TAFA1: variants seen among roughly 807,000 people sequenced by gnomAD.
The protein encoded by TAFA1 is chemokine-like protein TAFA-1.
In TAFA1, 4 loss-of-function variants were observed where a neutral mutation model predicts 18.5. The ratio of observed to expected loss-of-function variants is 0.22; its 90% CI spans 0.11 to 0.49. TAFA1 has a LOEUF of 0.49. Among genes scored for constraint, TAFA1 ranks in the 20% least tolerant of loss-of-function variants. The pLI, the probability that TAFA1 is intolerant of heterozygous loss-of-function variation, is 0.98. For missense variants in TAFA1, 147 were observed against 169.0 expected (o/e 0.87, Z 0.72); for synonymous variants, 56 against 55.2 (o/e 1.01, Z -0.06).
intron 2 of TAFA1, among the ~76,000 whole-genome samples, chr3:68,166,211 C>T (rs905236286): frequency 3.9e-5 from 6 of 152,184 alleles, no homozygotes; most frequent in African/African-American, 9.7e-5. Context: ...CAAGATTTTG[C>T]TATCCTATGG....
At chr3:68,164,815 T>C (rs892082949) in intron 2 of TAFA1, among the ~76,000 whole-genome samples, 2 of 152,220 alleles carry the variant, frequency 1.3e-5, no homozygotes, top group Non-Finnish European at 2.9e-5. Context: ...TTTATTCCTT[T>C]CTCTCATTCC....
intron 2 of TAFA1, among the ~76,000 whole-genome samples, chr3:68,167,494 C>T (rs1340911743): frequency 2.0e-5 from 3 of 150,732 alleles, no homozygotes; most frequent in Non-Finnish European, 4.4e-5. Context: ...GGAGAATGGC[C>T]TGGACCTGGG....
chr3:68,239,091 T>A (rs1374093669), intron 2 of TAFA1, among the ~76,000 whole-genome samples: 1 of 152,182 alleles, frequency 6.6e-6, no homozygotes, highest in Non-Finnish European at 1.5e-5. Flanking sequence ...AAGCAAAGAT[T>A]TGAATCATGG....
At chr3:68,262,263 A>G in intron 2 of TAFA1, among the ~76,000 whole-genome samples, 1 of 110,232 alleles carries the variant, frequency 9.1e-6, no homozygotes, top group African/African-American at 3.4e-5. Context: ...TGGGTTTAGG[A>G]TTTTTTTTTT....
chr3:68,184,599 G>C lies in TAFA1; in HGVS notation c.118+177855G>C, dbSNP rs75963397. On this transcript the variant is annotated intron_variant, in intron 2 of 4. Transcript: ENST00000478136. ...GCATGTCTCTTCTATCCCTAAAGCA[G>C]GACTATTGATTAGCTCCAATATATA... Among the ~76,000 whole-genome samples the C allele has an allele frequency of 8.6e-3, 1,301 of 152,086 alleles. 19 individuals carry two copies. The highest frequency in any genetic ancestry group is 0.029 in the African/African-American group (1,194 of 41,474).
At chr3:68,520,023 G>A (rs780361366) in intron 3 of TAFA1, among the ~76,000 whole-genome samples, 2 of 152,160 alleles carry the variant, frequency 1.3e-5, no homozygotes, top group Non-Finnish European at 2.9e-5. Context: ...GAAGGGGATC[G>A]TATGACCAAC....
chr3:68,530,339 G>T (rs2073171859), intron 3 of TAFA1, among the ~76,000 whole-genome samples: 1 of 152,274 alleles, frequency 6.6e-6, no homozygotes, highest in East Asian at 1.9e-4. Flanking sequence ...GATTTATACT[G>T]AAATAAAGGA....
intron 2 of TAFA1, among the ~76,000 whole-genome samples, chr3:68,032,959 C>A (rs766278769): frequency 2.6e-5 from 4 of 152,194 alleles, no homozygotes; most frequent in Admixed American, 6.6e-5. Flanking sequence ...ATTCCTCATT[C>A]TCTTCCTTCC....
At chr3:68,222,108 C>T (rs2066738679) in intron 2 of TAFA1, among the ~76,000 whole-genome samples, 1 of 152,146 alleles carries the variant, frequency 6.6e-6, no homozygotes, top group Non-Finnish European at 1.5e-5. Context: ...GAAAGCCTTA[C>T]TTATTTATGA....
intron 2 of TAFA1, among the ~76,000 whole-genome samples, chr3:68,160,976 G>A (rs1012840332): frequency 1.3e-5 from 2 of 152,184 alleles, no homozygotes; most frequent in African/African-American, 2.4e-5. Context: ...TACCCAGGGC[G>A]TTAAGTGTGT....
chr3:68,111,184 A>G (rs1183329021), intron 2 of TAFA1, among the ~76,000 whole-genome samples: 1 of 152,216 alleles, frequency 6.6e-6, no homozygotes, highest in Non-Finnish European at 1.5e-5. Flanking sequence ...ATAACCAGGT[A>G]TATTATGCTG....
At chr3:68,522,150 C>A (rs1559704217) in intron 3 of TAFA1, among the ~76,000 whole-genome samples, 1 of 152,022 alleles carries the variant, frequency 6.6e-6, no homozygotes, top group Non-Finnish European at 1.5e-5. Flanking sequence ...ATATCAAAAA[C>A]TTTTCAGTTA....
At chr3:68,493,295 T>C (rs982920079) in intron 3 of TAFA1, among the ~76,000 whole-genome samples, 2 of 152,212 alleles carry the variant, frequency 1.3e-5, no homozygotes, top group African/African-American at 2.4e-5. Flanking sequence ...CCTCAAGGTA[T>C]ATCTATGTTG....
chr3:68,461,360 CATATATAT>C (rs5849840), intron 3 of TAFA1, among the ~76,000 whole-genome samples: 5 of 106,624 alleles, frequency 4.7e-5, no homozygotes, highest in African/African-American at 1.7e-4. Flanking sequence ...AATGAAAGTG[CATATATAT>C]ATATATATAT....
intron 2 of TAFA1, among the ~76,000 whole-genome samples, chr3:68,344,009 A>G (rs113847125): frequency 2.0e-5 from 3 of 152,100 alleles, no homozygotes; most frequent in African/African-American, 7.2e-5. Flanking sequence ...ACGCCTGGTT[A>G]ATTTTGTATT....
At chr3:68,088,682 G>T (rs2106792217) in intron 2 of TAFA1, among the ~76,000 whole-genome samples, 2 of 152,264 alleles carry the variant, frequency 1.3e-5, no homozygotes, top group South Asian at 4.2e-4. Flanking sequence ...TGAGAGGTAG[G>T]GATGGCAAAA....
chr3:68,512,102 A>C (rs1187957321), intron 3 of TAFA1, among the ~76,000 whole-genome samples: 1 of 152,128 alleles, frequency 6.6e-6, no homozygotes, highest in African/African-American at 2.4e-5. Context: ...TTAAACCTAG[A>C]TCTCACCAAC....
rs560043382 is a variant in TAFA1, at chr3:68,322,048, T to C, written c.119-95232T>C. ...TGCCAAAACCTTACTGTGCAATTTA[T>C]AAATACAAAAGAATTTTACATACTT... On this transcript the variant is annotated intron_variant, in intron 2 of 4. Transcript: ENST00000478136. 3.9e-5 allele frequency among the ~76,000 whole-genome samples: 6 copies of C among 152,336 alleles called. No homozygotes were observed. In the East Asian group the frequency reaches 1.2e-3, roughly 29 times the overall value.
chr3:68,506,929 G>T (rs1255085166), intron 3 of TAFA1, among the ~76,000 whole-genome samples: 2 of 151,704 alleles, frequency 1.3e-5, no homozygotes, highest in African/African-American at 2.4e-5. Flanking sequence ...TTATTTTTCT[G>T]GGCTGGAAGG....
Sources: gnomAD v4.1 joint callset for allele counts (sites outside exome capture counted in the v4.1 genomes callset) on GRCh38, gnomAD v4.1.1 for gene constraint, MANE v1.5 for transcripts, NCBI Gene and HGNC (gene_info 2026-07-23, HGNC 2026-07-21) for gene names.